TYW1: variants seen among roughly 807,000 people sequenced by gnomAD.
TYW1 encodes tRNA-yW synthesizing protein 1 homolog, also known as S-adenosyl-L-methionine-dependent tRNA 4-demethylwyosine synthase TYW1.
TYW1 carries 46 observed loss-of-function variants against 96.2 expected under a neutral mutation model. The ratio of observed to expected loss-of-function variants is 0.48; its 90% CI spans 0.38 to 0.61. The LOEUF is 0.61. Among genes scored for constraint, TYW1 ranks in the 20% least tolerant of loss-of-function variants. The pLI, the probability that TYW1 is intolerant of heterozygous loss-of-function variation, is 0.00. For synonymous variants in TYW1, 274 were observed against 323.0 expected, an observed-to-expected ratio of 0.85 and a Z score of 1.63; for missense variants, 684 against 909.6, an observed-to-expected ratio of 0.75 and a Z score of 3.19.
At chr7:67,090,958 T>C (rs1254997986) in intron 11 of TYW1, among the ~76,000 whole-genome samples, 2 of 152,178 alleles carry the variant, frequency 1.3e-5, no homozygotes, top group East Asian at 1.9e-4. Context: ...ACTTTTACAC[T>C]GTTGATGGGA....
Position 67,084,289 on chromosome 7 carries a change from A to T in TYW1, c.1384+750A>T, listed in dbSNP as rs1336323560. On this transcript the variant is annotated intron_variant, in intron 11 of 15. Transcript: ENST00000359626. ...AAAAAGGAGGGATAATATAAATAAC[A>T]GTTTCTTCCATCTAATGCACAGTAA... 5.3e-5 allele frequency among the ~76,000 whole-genome samples: 8 copies of T among 152,204 alleles called. No individual in the cohort carries two copies. The South Asian group carries it at 1.4e-3, about 28-fold the overall frequency.
chr7:67,008,217 C>G (rs1461226275), intron 3 of TYW1, among the ~76,000 whole-genome samples: 1 of 152,132 alleles, frequency 6.6e-6, no homozygotes, highest in African/African-American at 2.4e-5. Context: ...GCTTCCAGGC[C>G]GTTTCTGGCC....
chr7:67,183,331 G>C, intron 14 of TYW1, 95 bp downstream of exon 14: 5 of 1,030,900 alleles, frequency 4.9e-6, no homozygotes, highest in Middle Eastern at 2.1e-4. Context: ...TAAAACTCTA[G>C]AGGTCCCAGG....
intron 9 of TYW1, among the ~76,000 whole-genome samples, chr7:67,058,237 A>G (rs1795589765): frequency 6.6e-6 from 1 of 152,190 alleles, no homozygotes; most frequent in Admixed American, 6.5e-5. Flanking sequence ...CCTGGCCTAC[A>G]GGTTTGATTT....
In TYW1 at chr7:67,010,981, G is replaced by T. The variant is rs375889115; in HGVS notation, c.375+1297G>T. Reference sequence around the variant, plus strand: ...ATCCAACCAAAAGGTCAAAAGCAGAGAGTATGGGTTTCGGAATCAGAGAAA... The same window carrying T: ...ATCCAACCAAAAGGTCAAAAGCAGATAGTATGGGTTTCGGAATCAGAGAAA... On this transcript the variant is annotated intron_variant, in intron 4 of 15. Transcript: ENST00000359626. Among the ~76,000 whole-genome samples the T allele has an allele frequency of 4.6e-5, 7 of 152,158 alleles. No individual in the cohort carries two copies. In the East Asian group the frequency reaches 1.2e-3, roughly 25 times the overall value.
At position 67,014,350 on chromosome 7, in the gene TYW1, A is replaced by G; in HGVS notation, c.376-17A>G. 2 of 1,576,906 alleles carry G rather than the reference A, an allele frequency of 1.3e-6. No homozygotes were observed. The highest frequency in any genetic ancestry group is 2.3e-5 in the East Asian group (1 of 44,402). On this transcript the variant is annotated splice_polypyrimidine_tract_variant and intron_variant, in intron 4 of 15. Coordinates refer to ENST00000359626, the MANE Select transcript of TYW1 (RefSeq NM_018264.4). ...ATGCCTTGTATGTTCCACTGAAACA[A>G]TTACTTTCTTGGTTAGGTGACTAGT...
intron 13 of TYW1, among the ~76,000 whole-genome samples, chr7:67,178,059 G>A (rs529537178): frequency 2.2e-3 from 332 of 151,712 alleles, no homozygotes; most frequent in Middle Eastern, 6.8e-3. Flanking sequence ...AGCTACTCAG[G>A]AGGCTGAGAC....
intron 11 of TYW1, among the ~76,000 whole-genome samples, chr7:67,098,114 T>C (rs1455448509): frequency 6.6e-6 from 1 of 152,202 alleles, no homozygotes; most frequent in African/African-American, 2.4e-5. Flanking sequence ...TTTTCTCTCC[T>C]ATACAGCTTT....
chr7:67,176,358 G>C (rs1163649412), intron 13 of TYW1, among the ~76,000 whole-genome samples: 2 of 152,166 alleles, frequency 1.3e-5, no homozygotes, highest in Non-Finnish European at 2.9e-5. Flanking sequence ...GTAGCCACTA[G>C]CTACATGTGA....
chr7:67,126,389 GAT>G (rs1401700404), intron 13 of TYW1, among the ~76,000 whole-genome samples: 1 of 151,962 alleles, frequency 6.6e-6, no homozygotes, highest in African/African-American at 2.4e-5. Context: ...TCCTTTATCA[GAT>G]ATGTCTTTTG....
chr7:67,021,008 A>G (rs927419945), intron 6 of TYW1, among the ~76,000 whole-genome samples: 1 of 152,298 alleles, frequency 6.6e-6, no homozygotes, highest in Non-Finnish European at 1.5e-5. Context: ...AGCCTGGGTG[A>G]CAGAGCGAGA....
intron 13 of TYW1, among the ~76,000 whole-genome samples, chr7:67,163,500 T>C (rs1260465364): frequency 6.6e-6 from 1 of 152,088 alleles, no homozygotes; most frequent in Non-Finnish European, 1.5e-5. Flanking sequence ...GATGTCAAGC[T>C]CTGTTTTTCT....
chr7:67,169,294 G>C (rs1799447449), intron 13 of TYW1, among the ~76,000 whole-genome samples: 1 of 152,132 alleles, frequency 6.6e-6, no homozygotes, highest in African/African-American at 2.4e-5. Context: ...TTACAAAACA[G>C]TGTGACCATG....
At chr7:67,151,836 T>G (rs114740491) in intron 13 of TYW1, among the ~76,000 whole-genome samples, 5,147 of 152,146 alleles carry the variant, frequency 0.034, 259 homozygotes, top group African/African-American at 0.12. Flanking sequence ...AGATAGGGAC[T>G]TGCTCTTTTG....
intron 15 of TYW1, among the ~76,000 whole-genome samples, chr7:67,198,653 T>C (rs546848006): frequency 3.3e-5 from 5 of 152,204 alleles, no homozygotes; most frequent in Non-Finnish European, 7.3e-5. Flanking sequence ...TATTCTTCTT[T>C]GCTTGTTTAC....
chr7:67,158,745 T>C (rs989401792), intron 13 of TYW1, among the ~76,000 whole-genome samples: 1 of 152,026 alleles, frequency 6.6e-6, no homozygotes, highest in Non-Finnish European at 1.5e-5. Flanking sequence ...AATTTTTTTG[T>C]ATTTTTAGAA....
At chr7:67,221,925 T>C (rs1801404268) in intron 15 of TYW1, among the ~76,000 whole-genome samples, 1 of 151,360 alleles carries the variant, frequency 6.6e-6, no homozygotes, top group Non-Finnish European at 1.5e-5. Context: ...AGGCTGGGTG[T>C]GGTGGCTGAC....
At chr7:67,104,216 G>A (rs374701235) in intron 12 of TYW1, among the ~76,000 whole-genome samples, 1 of 151,994 alleles carries the variant, frequency 6.6e-6, no homozygotes, top group Admixed American at 6.6e-5. Context: ...GTCTGTTCTC[G>A]CATTGCCATA....
intron 15 of TYW1, among the ~76,000 whole-genome samples, chr7:67,195,916 G>A (rs71563187): frequency 0.27 from 39,343 of 144,814 alleles, 6,075 homozygotes; most frequent in African/African-American, 0.41. Flanking sequence ...CACTAAAATA[G>A]TTTGCTAATT....
Sources: allele counts gnomAD v4.1 joint callset (sites outside exome capture counted in the v4.1 genomes callset), GRCh38; gene constraint gnomAD v4.1.1; transcripts MANE v1.5; gene names NCBI Gene and HGNC (gene_info 2026-07-23, HGNC 2026-07-21).